ZNF45: variants seen among roughly 807,000 people sequenced by gnomAD.
ZNF45 encodes the protein zinc finger protein 45.
ZNF45 carries 4 observed loss-of-function variants against 12.0 expected under a neutral mutation model. That is an observed-to-expected ratio of 0.33 (90% confidence interval 0.16 to 0.76). ZNF45 has a LOEUF of 0.76. Among genes scored for constraint, ZNF45 ranks in the 30% least tolerant of loss-of-function variants. ZNF45 has a pLI of 0.60. For missense variants in ZNF45, 700 were observed against 813.0 expected, an observed-to-expected ratio of 0.86 and a Z score of 1.69; for synonymous variants, 272 against 279.6, an observed-to-expected ratio of 0.97 and a Z score of 0.27.
At position 43,934,920 on chromosome 19, in the gene ZNF45, TC is replaced by T. The variant is rs1446989775; in HGVS notation, c.-756+3del. 2 of 152,194 alleles carry T rather than the reference TC, an allele frequency of 1.3e-5. No individual in the cohort carries two copies. Among genetic ancestry groups the T allele is most frequent in the Admixed American group, 6.5e-5 (1 of 15,278 alleles). The allele number at this position is 152,194 out of a possible 1,614,324, so 9.4% of individuals were successfully genotyped here. On this transcript the variant is annotated splice_donor_region_variant and intron_variant, in intron 1 of 9. Transcript: ENST00000269973. ...AACTAAGCACCGAAAGATTAAGTTC[TC>T]ACCCAACGTTACACCGCTAGGAAGC...
chr19:43,912,699 A>G lies in ZNF45; in HGVS notation c.*688T>C, dbSNP rs1972314487. The stretch of plus-strand genomic sequence containing the variant: ...ATTGTATACATTGATCTTGGTGATG[A>G]TTACATTTGTCAAAATTCAGAAAGC... On this transcript the variant is annotated 3_prime_UTR_variant, in exon 10 of 10. Coordinates refer to ENST00000269973, the MANE Select transcript of ZNF45 (RefSeq NM_003425.4). 6.6e-6 allele frequency: 1 copy of G among 152,224 alleles called. No individual in the cohort carries two copies. The highest frequency in any genetic ancestry group is 2.4e-5 in the African/African-American group (1 of 41,450). 9.4% of individuals were successfully genotyped at this position (152,224 alleles called of 1,614,324 possible).
At position 43,914,568 on chromosome 19, in the gene ZNF45, A is replaced by G. The variant is rs866511899; in HGVS notation, c.868T>C (p.Tyr290His). 1.2e-6 allele frequency: 2 copies of G among 1,609,770 alleles called. No homozygotes were observed. The highest frequency in any genetic ancestry group is 1.4e-5 in the African/African-American group (1 of 74,008). ...ECGVGFSQRS[Y>H]LQVHLKVHTG... ...TGAACTTTCAGATGAACTTGAAGATATGATCTCTGACTGAAGCCCACCCCA... is the reference window on the plus strand; with the variant it reads ...TGAACTTTCAGATGAACTTGAAGATGTGATCTCTGACTGAAGCCCACCCCA... The change falls in exon 10 of 10, where the codon TAT becomes CAT. Residue 290 changes from tyrosine to histidine, a missense_variant. By Grantham distance (83) the Tyr-to-His change is moderately conservative. Transcript: ENST00000269973.
rs557407342 is a variant in ZNF45 at position 43,931,635 on chromosome 19, A to G, written c.-400+969T>C. 1.8e-3 allele frequency among the ~76,000 whole-genome samples: 281 copies of G among 152,324 alleles called. 1 individual carries two copies. Among genetic ancestry groups the G allele is most frequent in the Non-Finnish European group, 2.8e-3 (193 of 68,026 alleles). ...AGAAGATGAAGGCCAGCTTTAGTCT[A>G]TAATACACAGAGGACTTACTACATG... On this transcript the variant is annotated intron_variant, in intron 3 of 9. Transcript: ENST00000269973.
Position 43,914,818 on chromosome 19 carries a change from A to T in ZNF45, c.618T>A (p.Ser206Arg), listed in dbSNP as rs1406960383. 3.1e-6 allele frequency: 5 copies of T among 1,612,438 alleles called. No individual in the cohort carries two copies. The highest frequency in any genetic ancestry group is 3.4e-6 in the Non-Finnish European group (4 of 1,178,746). The change falls in exon 10 of 10, where the codon AGT becomes AGA. Residue 206 changes from serine (S) to arginine (R), a missense_variant. Coordinates refer to ENST00000269973, the MANE Select transcript of ZNF45 (RefSeq NM_003425.4). ...KCDNAFRRFS[S>R]LQAHQRVHSR... ...TGTGGACTCTCTGATGGGCTTGAAG[A>T]CTTGAAAACCGACGGAAGGCATTAT...
At chr19:43,927,158 C>G (rs1973750770) in intron 3 of ZNF45, among the ~76,000 whole-genome samples, 1 of 152,120 alleles carries the variant, frequency 6.6e-6, no homozygotes, top group South Asian at 2.1e-4. Context: ...ACTTCCTATC[C>G]CTCATCTCTG....
chr19:43,923,962 G>GAA (rs1295623039), intron 6 of ZNF45, among the ~76,000 whole-genome samples: 1 of 49,382 alleles, frequency 2.0e-5, no homozygotes, highest in African/African-American at 8.3e-5. Flanking sequence ...TCTCTAAAGA[G>GAA]AAAAAAAAAA....
At chr19:43,925,602 T>C (rs1973610190) in intron 3 of ZNF45, 144 bp from the exon 4 acceptor site, 2 of 152,146 alleles carry the variant, frequency 1.3e-5, no homozygotes, top group African/African-American at 4.8e-5. Flanking sequence ...CATAAAACCT[T>C]CCAATCTTAG....
At chr19:43,928,978 T>TA (rs1223284867) in intron 3 of ZNF45, among the ~76,000 whole-genome samples, 1 of 152,208 alleles carries the variant, frequency 6.6e-6, no homozygotes, top group Non-Finnish European at 1.5e-5. Context: ...ATAACGATGA[T>TA]AGAGATTGAG....
chr19:43,929,041 C>T (rs1490351669), intron 3 of ZNF45, among the ~76,000 whole-genome samples: 9 of 152,222 alleles, frequency 5.9e-5, no homozygotes, highest in Non-Finnish European at 1.3e-4. Context: ...ACAGAAGTAA[C>T]TTGTTCATGT....
intron 6 of ZNF45, among the ~76,000 whole-genome samples, chr19:43,923,068 C>T (rs1973343613): frequency 6.6e-6 from 1 of 152,064 alleles, no homozygotes; most frequent in Non-Finnish European, 1.5e-5. Flanking sequence ...TCAAGTGATC[C>T]TCCTGCCTCA....
chr19:43,917,046 G>A (rs1306552737), intron 9 of ZNF45, among the ~76,000 whole-genome samples: 1 of 152,168 alleles, frequency 6.6e-6, no homozygotes, highest in East Asian at 1.9e-4. Context: ...AAAATGGATG[G>A]ATGTAAATAT....
Position 43,914,088 on chromosome 19 carries a change from C to A in ZNF45, c.1348G>T (p.Gly450Cys). 1 of 1,614,134 alleles carries A rather than the reference C, an allele frequency of 6.2e-7. No individual in the cohort carries two copies. Among genetic ancestry groups the A allele is most frequent in the Non-Finnish European group, 8.5e-7 (1 of 1,180,000 alleles). ...TTTGAGGCCTGGCTGAAGCCCTTGCCACACTCCTCACATTTATAGGGTTTT... is the reference window on the plus strand; with the variant it reads ...TTTGAGGCCTGGCTGAAGCCCTTGCAACACTCCTCACATTTATAGGGTTTT... The part of the protein sequence containing the change: ...GEKPYKCEEC[G>C]KGFSQASNLL... The change falls in exon 10 of 10, where the codon GGC becomes TGC. Residue 450 changes from glycine (G) to cysteine (C), a missense_variant. Transcript: ENST00000269973.
chr19:43,915,214 G>C lies in ZNF45; in HGVS notation c.236-14C>G, dbSNP rs1972537514. The C allele has an allele frequency of 1.4e-6, 2 of 1,478,726 alleles. No homozygotes were observed. Among genetic ancestry groups the C allele is most frequent in the South Asian group, 1.5e-5 (1 of 66,134 alleles). The allele number at this position is 1,478,726 out of a possible 1,614,324, so 91.6% of individuals were successfully genotyped here. A position where few individuals can be genotyped will look rare whatever the true frequency, so the allele number is the denominator to read the frequency against. The stretch of plus-strand genomic sequence containing the variant: ...GATTCTTGGCTCCTAAAAGGATAAA[G>C]AAAATGTGGAGATGGGGCATGTGAA... On this transcript the variant is annotated splice_polypyrimidine_tract_variant and intron_variant, in intron 9 of 9. Transcript: ENST00000269973.
At position 43,913,688 on chromosome 19, in the gene ZNF45, G is replaced by A. The variant is rs779802665; in HGVS notation, c.1748C>T (p.Pro583Leu). Residue 583 changes from proline to leucine, a missense_variant, in exon 10 of 10, where the codon CCA (proline) becomes CTA (leucine). Transcript: ENST00000269973. ...CTTACCACACACATCACATCGGTATGGTTTTTCTCCTGTGTGGACTCCACG... is the reference window on the plus strand; with the variant it reads ...CTTACCACACACATCACATCGGTATAGTTTTTCTCCTGTGTGGACTCCACG... ...AHRGVHTGEK[P>L]YRCDVCGKRF... 2 of 1,613,074 alleles carry A rather than the reference G, an allele frequency of 1.2e-6. No individual in the cohort carries two copies. The highest frequency in any genetic ancestry group is 1.3e-5 in the African/African-American group (1 of 74,504).
At chr19:43,929,183 C>T (rs1173523818) in intron 3 of ZNF45, among the ~76,000 whole-genome samples, 1 of 152,240 alleles carries the variant, frequency 6.6e-6, no homozygotes, top group Non-Finnish European at 1.5e-5. Context: ...GACAGTGGTT[C>T]TCAAACCCTG....
rs749748304 is a variant in ZNF45 at position 43,913,965 on chromosome 19, A to G, written c.1471T>C (p.Cys491Arg). 5.0e-6 allele frequency: 8 copies of G among 1,610,476 alleles called. No individual in the cohort carries two copies. Among genetic ancestry groups the G allele is most frequent in the Non-Finnish European group, 5.9e-6 (7 of 1,178,976 alleles). The change falls in exon 10 of 10, where the codon TGT becomes CGT. Residue 491 changes from cysteine to arginine, a missense_variant. Coordinates refer to ENST00000269973, the MANE Select transcript of ZNF45 (RefSeq NM_003425.4). The part of the protein sequence containing the change: ...FSRSSDLNVH[C>R]RIHTGEKPYK... ...GGTTTCTCTCCTGTGTGGATTCTAC[A>G]GTGTACATTAAGATCTGAGCTCCGA...
At chr19:43,933,246 G>A (rs961793614) in intron 2 of ZNF45, among the ~76,000 whole-genome samples, 8 of 152,108 alleles carry the variant, frequency 5.3e-5, no homozygotes, top group Admixed American at 3.3e-4. Flanking sequence ...TGAGGTGGGC[G>A]GATCACTTGA....
At chr19:43,926,696 T>C (rs1973707150) in intron 3 of ZNF45, among the ~76,000 whole-genome samples, 1 of 152,168 alleles carries the variant, frequency 6.6e-6, no homozygotes, top group Non-Finnish European at 1.5e-5. Flanking sequence ...AGGAATGGGC[T>C]CATAAGCCCA....
Position 43,914,529 on chromosome 19 carries a change from GT to G in ZNF45, c.906del (p.Lys302AsnfsTer79), listed in dbSNP as rs760918120. 7 of 1,612,530 alleles carry G rather than the reference GT, an allele frequency of 4.3e-6. No individual in the cohort carries two copies. ...QVHLKVHTGKKPYKCEECGKS... is the reference protein window; with the variant it reads ...QVHLKVHTGKXPYKCEECGKS... ...TTCCCACACTCTTCACACTTATATG[GT>G]TTCTTTCCAGTGTGAACTTTCAGAT... On this transcript the variant is annotated frameshift_variant, in exon 10 of 10. Transcript: ENST00000269973. LOFTEE classifies it low-confidence loss of function (END_TRUNC).
Sources: allele counts gnomAD v4.1 joint callset (sites outside exome capture counted in the v4.1 genomes callset), GRCh38; gene constraint gnomAD v4.1.1; transcripts MANE v1.5; gene names NCBI Gene and HGNC (gene_info 2026-07-23, HGNC 2026-07-21).